HAPSTR2: variants seen among roughly 807,000 people sequenced by gnomAD.
The protein encoded by HAPSTR2 is HUWE1 associated protein modifying stress responses 2, also known as HUWE1-associated protein modifying stress responses 2.
At chrX:140,091,800 T>C in the HAPSTR2 span, 3 of 960,014 alleles carry the variant, frequency 3.1e-6, no homozygotes, top group Non-Finnish European at 4.0e-6. Flanking sequence ...GTTTTCCAAG[T>C]GGGAGCGCCA....
chrX:140,092,390 T>C, the HAPSTR2 span: 1 of 754,152 alleles, frequency 1.3e-6, no homozygotes, highest in Non-Finnish European at 1.6e-6. Context: ...AAGACAGCGG[T>C]GTCGCCAGCA....
At chrX:140,092,661 T>C in the HAPSTR2 span, 11 of 601,560 alleles carry the variant, frequency 1.8e-5, no homozygotes, top group Non-Finnish European at 2.2e-5. Flanking sequence ...TTTCTTCCCT[T>C]CTCTAAGTTA....
chrX:140,092,072 C>T, the HAPSTR2 span: 1 of 804,696 alleles, frequency 1.2e-6, no homozygotes, highest in South Asian at 6.4e-5. Flanking sequence ...GAAGTTTTGA[C>T]TTGGGTGTCC....
chrX:140,092,852 A>G, the HAPSTR2 span, among the ~76,000 whole-genome samples: 1 of 111,962 alleles, frequency 8.9e-6, no homozygotes, highest in Non-Finnish European at 1.9e-5. Context: ...TCTTGTTCAC[A>G]GTTATATTCC....
chrX:140,091,742 G>C, the HAPSTR2 span: 1 of 901,567 alleles, frequency 1.1e-6, no homozygotes, highest in Non-Finnish European at 1.4e-6. Context: ...TGAAGAGGAG[G>C]ATGGAGGAGC....
chrX:140,092,053 C>T, the HAPSTR2 span: 6 of 807,654 alleles, frequency 7.4e-6, no homozygotes, highest in African/African-American at 1.3e-4. Flanking sequence ...AGCGGGGATG[C>T]CCACCAACGA....
At chrX:140,091,989 A>T in the HAPSTR2 span, 30 of 827,006 alleles carry the variant, frequency 3.6e-5, no homozygotes, top group Non-Finnish European at 4.4e-5. Context: ...AGGACTTTCC[A>T]TGTGGGACCC....
chrX:140,091,688 A>AGCG, the HAPSTR2 span: 1 of 638,870 alleles, frequency 1.6e-6, no homozygotes, highest in Admixed American at 5.8e-5. Flanking sequence ...AGTAGGCAGC[A>AGCG]GCGGCGGCGG....
the HAPSTR2 span, among the ~76,000 whole-genome samples, chrX:140,092,781 T>C: frequency 1.8e-5 from 2 of 111,587 alleles, no homozygotes; most frequent in African/African-American, 3.3e-5. Flanking sequence ...AGAACAAATA[T>C]GTAGTAGTTA....
the HAPSTR2 span, chrX:140,092,634 G>T: frequency 2.9e-6 from 2 of 680,277 alleles, no homozygotes; most frequent in African/African-American, 4.8e-5. Flanking sequence ...CTTGTCTAAA[G>T]GTTACTGGAG....
At chrX:140,091,688 A>G in the HAPSTR2 span, 31 of 637,251 alleles carry the variant, frequency 4.9e-5, no homozygotes, top group South Asian at 5.5e-5. Flanking sequence ...AGTAGGCAGC[A>G]GCGGCGGCGG....
chrX:140,092,586 C>T, the HAPSTR2 span: 3 of 750,097 alleles, frequency 4.0e-6, no homozygotes, highest in Non-Finnish European at 3.1e-6. Flanking sequence ...GGTTGCCTGC[C>T]GCCATATTGC....
chrX:140,092,376 C>T, the HAPSTR2 span: 1 of 754,299 alleles, frequency 1.3e-6, no homozygotes, highest in Non-Finnish European at 1.6e-6. Context: ...GGGCGACTCG[C>T]CTCAAGACAG....
chrX:140,091,835 G>A, the HAPSTR2 span: 1 of 981,746 alleles, frequency 1.0e-6, no homozygotes, highest in South Asian at 2.7e-5. Flanking sequence ...CCGAGCAGGA[G>A]GAGCAGCTGC....
the HAPSTR2 span, chrX:140,091,958 G>A: frequency 2.1e-5 from 18 of 851,854 alleles, no homozygotes; most frequent in Non-Finnish European, 2.6e-5. Flanking sequence ...AGCTTTACAA[G>A]GATTCTGGGT....
chrX:140,092,611 A>G, the HAPSTR2 span: 354 of 727,982 alleles, frequency 4.9e-4, no homozygotes, highest in Non-Finnish European at 5.4e-4. Flanking sequence ...GAGTGAACTC[A>G]ACCGTCGACA....
At chrX:140,092,621 A>G in the HAPSTR2 span, 10 of 718,678 alleles carry the variant, frequency 1.4e-5, no homozygotes, top group African/African-American at 2.3e-5. Flanking sequence ...AACCGTCGAC[A>G]TGCTTGTCTA....
the HAPSTR2 span, chrX:140,092,186 G>GC: frequency 1.3e-6 from 1 of 757,871 alleles, no homozygotes; most frequent in Non-Finnish European, 1.6e-6. Flanking sequence ...GTGGCAAAGT[G>GC]CCCCCCGCTC....
At chrX:140,092,137 G>A in the HAPSTR2 span, 3 of 772,960 alleles carry the variant, frequency 3.9e-6, no homozygotes, top group Admixed American at 8.2e-5. Flanking sequence ...AAAAAGGGCC[G>A]GAGCACCATT....
Sources: gnomAD v4.1 joint callset for allele counts (sites outside exome capture counted in the v4.1 genomes callset) on GRCh38, gnomAD v4.1.1 for gene constraint, MANE v1.5 for transcripts, NCBI Gene and HGNC (gene_info 2026-07-23, HGNC 2026-07-21) for gene names.